SIAH1: variants seen among roughly 807,000 people sequenced by gnomAD.
The protein encoded by SIAH1 is siah E3 ubiquitin protein ligase 1.
SIAH1 carries 2 observed loss-of-function variants against 20.0 expected under a neutral mutation model. The ratio of observed to expected loss-of-function variants is 0.10; its 90% CI spans 0.04 to 0.31. The LOEUF (loss-of-function observed/expected upper bound fraction) is 0.31, where lower values mean the gene tolerates loss of function less well. Among genes scored for constraint, SIAH1 ranks in the 10% least tolerant of loss-of-function variants. SIAH1 has a pLI of 1.00. For synonymous variants in SIAH1, 118 were observed against 125.3 expected (o/e 0.94, Z 0.39); for missense variants, 119 against 355.3 (o/e 0.33, Z 5.35).
upstream of SIAH1, among the ~76,000 whole-genome samples, chr16:48,385,733 C>G (rs1025104902): frequency 6.6e-6 from 1 of 152,040 alleles, no homozygotes. Context: ...GCGCTTTGTT[C>G]CGGGGCCGCG....
chr16:48,384,129 A>C (rs1166464637), intron 1 of SIAH1, among the ~76,000 whole-genome samples: 2 of 152,198 alleles, frequency 1.3e-5, no homozygotes, highest in African/African-American at 4.8e-5. Flanking sequence ...CGTGCTCTCA[A>C]CATCCAACTG....
intron 1 of SIAH1, among the ~76,000 whole-genome samples, chr16:48,373,336 C>G (rs147694611): frequency 6.6e-6 from 1 of 152,274 alleles, no homozygotes; most frequent in African/African-American, 2.4e-5. Context: ...GGGGGATGGC[C>G]AAAGAGAAAC....
Position 48,370,221 on chromosome 16 carries a change from T to C in SIAH1, c.-2-7791A>G, listed in dbSNP as rs181982917. Among the ~76,000 whole-genome samples the C allele has an allele frequency of 4.3e-4, 65 of 152,338 alleles. No homozygotes were observed. The East Asian group carries it at 6.9e-3, about 16-fold the overall frequency. On this transcript the variant is annotated intron_variant, in intron 1 of 1. Transcript: ENST00000394725. ...GAATGGCCACTCCCTTCCCTTTCCC[T>C]TAAGTAGGAAGAGCCACATAAATTC...
At chr16:48,384,729 A>AG (rs1222659179) in intron 1 of SIAH1, among the ~76,000 whole-genome samples, 1 of 133,988 alleles carries the variant, frequency 7.5e-6, no homozygotes, top group African/African-American at 2.7e-5. Context: ...CGCGGGGAGG[A>AG]GGGGGAGGGA....
At chr16:48,381,394 C>T (rs180806732) in intron 1 of SIAH1, among the ~76,000 whole-genome samples, 1 of 152,314 alleles carries the variant, frequency 6.6e-6, no homozygotes, top group East Asian at 1.9e-4. Flanking sequence ...CCAGCAATCA[C>T]ATTCCTTGGC....
rs545578567 is a variant in SIAH1, at chr16:48,361,275, A to C, written c.*305T>G. ...CAAAAACAAACTTTTTCAACAATAC[A>C]ATCAATCTACAACAAACACAAAACT... On this transcript the variant is annotated 3_prime_UTR_variant, in exon 2 of 2. Transcript: ENST00000394725. 1 of 301,170 alleles carries C rather than the reference A, an allele frequency of 3.3e-6. No individual in the cohort carries two copies. The highest frequency in any genetic ancestry group is 7.6e-5 in the East Asian group (1 of 13,170). 18.7% of individuals were successfully genotyped at this position (301,170 alleles called of 1,614,324 possible). A position where few individuals can be genotyped will look rare whatever the true frequency, so the allele number is the denominator to read the frequency against.
chr16:48,378,410 C>T (rs1961168645), intron 1 of SIAH1, among the ~76,000 whole-genome samples: 1 of 152,266 alleles, frequency 6.6e-6, no homozygotes, highest in East Asian at 1.9e-4. Flanking sequence ...CTGTTCCATT[C>T]ATATAAGGCA....
chr16:48,367,030 C>T (rs1421674734), intron 1 of SIAH1, among the ~76,000 whole-genome samples: 1 of 152,048 alleles, frequency 6.6e-6, no homozygotes. Flanking sequence ...CCTCAATCTC[C>T]CCAGTAGCTA....
chr16:48,371,130 AAAAGT>A (rs1307086759), intron 1 of SIAH1, among the ~76,000 whole-genome samples: 4 of 152,034 alleles, frequency 2.6e-5, no homozygotes, highest in Admixed American at 6.5e-5. Context: ...AAAAAAAAAA[AAAAGT>A]AAGAGCAAGC....
chr16:48,381,148 C>G (rs925523352), intron 1 of SIAH1, among the ~76,000 whole-genome samples: 1 of 151,928 alleles, frequency 6.6e-6, no homozygotes, highest in African/African-American at 2.4e-5. Flanking sequence ...AGATCAAGAC[C>G]AGCCTGGCCG....
intron 1 of SIAH1, among the ~76,000 whole-genome samples, chr16:48,367,354 G>T (rs1187841370): frequency 6.6e-6 from 1 of 152,132 alleles, no homozygotes; most frequent in Non-Finnish European, 1.5e-5. Context: ...AACTCCAAAA[G>T]ATCTGTACAG....
At chr16:48,375,559 A>G (rs181083435) in intron 1 of SIAH1, among the ~76,000 whole-genome samples, 1 of 152,224 alleles carries the variant, frequency 6.6e-6, no homozygotes, top group East Asian at 1.9e-4. Flanking sequence ...AATTGCTTGA[A>G]CGCAGGAGTT....
intron 1 of SIAH1, among the ~76,000 whole-genome samples, chr16:48,384,146 A>G (rs186309088): frequency 6.2e-4 from 94 of 152,342 alleles, no homozygotes; most frequent in African/African-American, 2.1e-3. Flanking sequence ...ACTGCTGAAG[A>G]GTTAACAATT....
At chr16:48,380,719 T>C (rs1486512795) in intron 1 of SIAH1, among the ~76,000 whole-genome samples, 1 of 149,330 alleles carries the variant, frequency 6.7e-6, no homozygotes, top group East Asian at 2.0e-4. Flanking sequence ...AGGTCAGGAG[T>C]TCGAGACTGA....
chr16:48,384,730 G>A (rs1246424520), intron 1 of SIAH1, among the ~76,000 whole-genome samples: 3 of 151,410 alleles, frequency 2.0e-5, no homozygotes, highest in South Asian at 2.1e-4. Context: ...GCGGGGAGGA[G>A]GGGGAGGGAG....
At chr16:48,373,087 C>T (rs1433793034) in intron 1 of SIAH1, among the ~76,000 whole-genome samples, 1 of 152,206 alleles carries the variant, frequency 6.6e-6, no homozygotes, top group Non-Finnish European at 1.5e-5. Context: ...CTATAAATTA[C>T]TGTAATCTCT....
chr16:48,381,287 G>A (rs1019689735), intron 1 of SIAH1, among the ~76,000 whole-genome samples: 5 of 152,170 alleles, frequency 3.3e-5, no homozygotes, highest in Admixed American at 2.6e-4. Flanking sequence ...GGAAGTTGCA[G>A]TGAGCTGAGA....
intron 1 of SIAH1, among the ~76,000 whole-genome samples, chr16:48,384,960 C>T (rs1031559514): frequency 6.9e-6 from 1 of 145,970 alleles, no homozygotes; most frequent in Non-Finnish European, 1.5e-5. Context: ...CGCCACCCCG[C>T]CGGGCCCGGG....
chr16:48,368,650 A>G (rs1215931832), intron 1 of SIAH1, among the ~76,000 whole-genome samples: 1 of 152,020 alleles, frequency 6.6e-6, no homozygotes, highest in Non-Finnish European at 1.5e-5. Context: ...GTGAGCCAAG[A>G]TCGACTTGAA....
Sources: allele counts gnomAD v4.1 joint callset (sites outside exome capture counted in the v4.1 genomes callset), GRCh38; gene constraint gnomAD v4.1.1; transcripts MANE v1.5; gene names NCBI Gene and HGNC (gene_info 2026-07-23, HGNC 2026-07-21).